Variants in NCOA1 observed in about 807,000 individuals in gnomAD.
NCOA1 encodes Hin-2 protein.
Under a neutral mutation model 150.9 loss-of-function variants are expected in NCOA1, and 35 were observed. The ratio of observed to expected loss-of-function variants is 0.23; its 90% CI spans 0.18 to 0.31. The LOEUF is 0.31. Among genes scored for constraint, NCOA1 ranks in the 10% least tolerant of loss-of-function variants. NCOA1 has a pLI of 1.00. For synonymous variants in NCOA1, 590 were observed against 630.0 expected (o/e 0.94, Z 0.95); for missense variants, 1,491 against 1,749.3 (o/e 0.85, Z 2.63).
chr2:24,639,315 C>T (rs1456744056), intron 3 of NCOA1, among the ~76,000 whole-genome samples: 1 of 151,714 alleles, frequency 6.6e-6, no homozygotes, highest in Non-Finnish European at 1.5e-5. Flanking sequence ...TGAGATTTTT[C>T]ATGTTATCTC....
At chr2:24,528,344 C>CTTTTTTTTTTTT (rs375096042) in intron 1 of NCOA1, among the ~76,000 whole-genome samples, 1 of 125,874 alleles carries the variant, frequency 7.9e-6, no homozygotes. Flanking sequence ...CAATTTCATT[C>CTTTTTTTTTTTT]TTTTTTTTTT....
chr2:24,555,380 A>G (rs1334944737), intron 1 of NCOA1, among the ~76,000 whole-genome samples: 1 of 152,206 alleles, frequency 6.6e-6, no homozygotes, highest in South Asian at 2.1e-4. Context: ...ACGGGCCAGA[A>G]TACGGTCCAT....
intron 10 of NCOA1, among the ~76,000 whole-genome samples, chr2:24,695,315 C>T (rs1330547817): frequency 6.6e-6 from 1 of 152,084 alleles, no homozygotes; most frequent in Non-Finnish European, 1.5e-5. Flanking sequence ...CCTCCAATAT[C>T]ACAGAATCCA....
In NCOA1 at chr2:24,741,619, GTTAC is replaced by G. The variant is rs1474998407; in HGVS notation, c.3304-161_3304-158del. Among the ~76,000 whole-genome samples the G allele has an allele frequency of 5.3e-5, 8 of 152,208 alleles. No individual in the cohort carries two copies. The East Asian group carries it at 1.5e-3, about 29-fold the overall frequency. The stretch of plus-strand genomic sequence containing the variant: ...TTAATTCATTTTTTCTCCTGTGATT[GTTAC>G]TTAAGAGGTTTTTGTTCCTTTTCTG... On this transcript the variant is annotated intron_variant, in intron 18 of 22. Coordinates refer to ENST00000348332, the MANE Select transcript of NCOA1 (RefSeq NM_003743.5).
intron 1 of NCOA1, among the ~76,000 whole-genome samples, chr2:24,563,690 G>A (rs573184525): frequency 3.3e-5 from 5 of 152,146 alleles, no homozygotes; most frequent in Admixed American, 3.3e-4. Flanking sequence ...GCTAATTTTT[G>A]TAATTTTTGT....
At chr2:24,678,924 C>T (rs1672038749) in intron 7 of NCOA1, among the ~76,000 whole-genome samples, 1 of 152,158 alleles carries the variant, frequency 6.6e-6, no homozygotes, top group Non-Finnish European at 1.5e-5. Context: ...GTTGCAGTTG[C>T]TTTTGGCATT....
chr2:24,679,158 G>A (rs1672050738), intron 7 of NCOA1, among the ~76,000 whole-genome samples: 1 of 152,204 alleles, frequency 6.6e-6, no homozygotes, highest in South Asian at 2.1e-4. Flanking sequence ...GACATCCTGG[G>A]CAGAGTTTGG....
At chr2:24,531,181 G>T (rs749674784) in intron 1 of NCOA1, among the ~76,000 whole-genome samples, 1 of 152,156 alleles carries the variant, frequency 6.6e-6, no homozygotes, top group Admixed American at 6.5e-5. Flanking sequence ...ACAGTATGGA[G>T]GTTCCTAAAG....
intron 4 of NCOA1, among the ~76,000 whole-genome samples, chr2:24,655,484 C>A (rs55881117): frequency 6.6e-6 from 1 of 152,086 alleles, no homozygotes; most frequent in Admixed American, 6.5e-5. Context: ...TCACCAGATC[C>A]TATAATAGAC....
chr2:24,755,904 T>A (rs1024236699), intron 20 of NCOA1, among the ~76,000 whole-genome samples: 3 of 152,072 alleles, frequency 2.0e-5, no homozygotes, highest in Non-Finnish European at 4.4e-5. Context: ...AATTGACAAA[T>A]GAGTACTGTC....
rs145680180 is a variant in NCOA1, at chr2:24,749,372, A to G, written c.3707-2610A>G. 2.4e-3 allele frequency among the ~76,000 whole-genome samples: 373 copies of G among 152,346 alleles called. 1 individual carries two copies. The highest frequency in any genetic ancestry group is 4.3e-3 in the Non-Finnish European group (291 of 68,024). On this transcript the variant is annotated intron_variant, in intron 19 of 22. Transcript: ENST00000348332. ...ATAGCACTACACAGAGAATTGTAGG[A>G]TATGCAGAGGGTCCCATTCAAGTCT...
rs1164480655 is a variant in NCOA1, at chr2:24,524,451, G to A, written c.-396+32849G>A. Reference sequence around the variant, plus strand: ...TGGGACTACAGATGTGTACCACCATGCCTGGCTGCCTTTTAAATTATTTTG... The same window carrying A: ...TGGGACTACAGATGTGTACCACCATACCTGGCTGCCTTTTAAATTATTTTG... On this transcript the variant is annotated intron_variant, in intron 1 of 22. Coordinates refer to ENST00000348332, the MANE Select transcript of NCOA1 (RefSeq NM_003743.5). Among the ~76,000 whole-genome samples, 3 of 151,914 alleles carry A rather than the reference G, an allele frequency of 2.0e-5. 1 individual carries two copies. Among genetic ancestry groups the A allele is most frequent in the Non-Finnish European group, 4.4e-5 (3 of 67,994 alleles).
intron 3 of NCOA1, among the ~76,000 whole-genome samples, chr2:24,590,400 T>C (rs1487846981): frequency 1.3e-5 from 2 of 152,192 alleles, no homozygotes; most frequent in African/African-American, 2.4e-5. Flanking sequence ...CTAAAACATA[T>C]TATAGTTATT....
intron 1 of NCOA1, among the ~76,000 whole-genome samples, chr2:24,533,368 A>C (rs1021944827): frequency 1.3e-5 from 2 of 152,132 alleles, no homozygotes; most frequent in African/African-American, 4.8e-5. Context: ...CGGTTTTCTA[A>C]ATATCCAATC....
intron 19 of NCOA1, among the ~76,000 whole-genome samples, chr2:24,747,051 C>A (rs971819474): frequency 3.9e-5 from 6 of 151,972 alleles, no homozygotes; most frequent in African/African-American, 1.4e-4. Flanking sequence ...AAAAAATTGT[C>A]TTTTTTAAAA....
At chr2:24,705,032 A>G in intron 11 of NCOA1, 54 bp from the exon 12 acceptor site, 1 of 1,568,976 alleles carries the variant, frequency 6.4e-7, no homozygotes, top group Non-Finnish European at 8.7e-7. Context: ...GGTGACTTAA[A>G]GCCAGCGTAT....
chr2:24,587,933 C>T (rs1043539891), intron 3 of NCOA1, among the ~76,000 whole-genome samples: 3 of 152,162 alleles, frequency 2.0e-5, no homozygotes, highest in Admixed American at 6.5e-5. Context: ...TGAATGATAG[C>T]CCTTGAAATC....
chr2:24,514,831 A>G (rs1443694258), intron 1 of NCOA1, among the ~76,000 whole-genome samples: 1 of 152,222 alleles, frequency 6.6e-6, no homozygotes, highest in Non-Finnish European at 1.5e-5. Flanking sequence ...ATGGCTTAAG[A>G]TTTTGATGTT....
chr2:24,538,706 C>T (rs1311162135), intron 1 of NCOA1, among the ~76,000 whole-genome samples: 1 of 152,152 alleles, frequency 6.6e-6, no homozygotes, highest in Admixed American at 6.5e-5. Context: ...GAGCTTAAAA[C>T]TGCCCCTTCC....
Sources: allele counts gnomAD v4.1 joint callset (sites outside exome capture counted in the v4.1 genomes callset), GRCh38; gene constraint gnomAD v4.1.1; transcripts MANE v1.5; gene names NCBI Gene and HGNC (gene_info 2026-07-23, HGNC 2026-07-21).